Variants in MYO16 observed in about 807,000 individuals in gnomAD.
The protein encoded by MYO16 is myosin XVI.
A neutral mutation model predicts 205.3 loss-of-function variants in MYO16; 94 were observed. That is an observed-to-expected ratio of 0.46 (90% confidence interval 0.39 to 0.54). MYO16 has a LOEUF of 0.54. Ranked by LOEUF, MYO16 falls within the 20% of genes least tolerant of loss-of-function variation. The pLI, the probability that MYO16 is intolerant of heterozygous loss-of-function variation, is 0.00. For synonymous variants in MYO16, 988 were observed against 954.0 expected (o/e 1.04, Z -0.66); for missense variants, 2,315 against 2,387.5 (o/e 0.97, Z 0.63).
At chr13:108,796,121 G>T (rs1277630586) in intron 6 of MYO16, among the ~76,000 whole-genome samples, 1 of 152,140 alleles carries the variant, frequency 6.6e-6, no homozygotes, top group Non-Finnish European at 1.5e-5. Flanking sequence ...AGCTTTTATG[G>T]GCCTATATGA....
intron 12 of MYO16, among the ~76,000 whole-genome samples, chr13:108,869,623 C>T (rs1241461941): frequency 6.9e-6 from 1 of 145,810 alleles, no homozygotes; most frequent in Non-Finnish European, 1.5e-5. Flanking sequence ...CCCAGCTACT[C>T]GGGAGGCTGA....
At chr13:108,608,881 G>C (rs1052670898) in intron 1 of MYO16, among the ~76,000 whole-genome samples, 1 of 151,988 alleles carries the variant, frequency 6.6e-6, no homozygotes, top group African/African-American at 2.4e-5. Context: ...CGACCTCAGG[G>C]GATCCACCTG....
intron 21 of MYO16, among the ~76,000 whole-genome samples, chr13:108,995,921 A>G (rs1249799351): frequency 6.6e-6 from 1 of 152,212 alleles, no homozygotes; most frequent in African/African-American, 2.4e-5. Context: ...ATCATTAAAA[A>G]TCAGGAAGCA....
chr13:109,174,748 C>CTTTTTTTTTTTTTTTT (rs34606084), intron 33 of MYO16, among the ~76,000 whole-genome samples: 1 of 85,630 alleles, frequency 1.2e-5, no homozygotes, highest in African/African-American at 4.0e-5. Context: ...CTTGTCTTGT[C>CTTTTTTTTTTTTTTTT]TTTTTTTTTT....
chr13:108,676,045 T>G (rs1882190075), intron 2 of MYO16, among the ~76,000 whole-genome samples: 1 of 152,342 alleles, frequency 6.6e-6, no homozygotes, highest in South Asian at 2.1e-4. Context: ...CTATTATGAT[T>G]TGAATTAAGA....
chr13:108,799,439 A>T (rs1242236713), intron 6 of MYO16, among the ~76,000 whole-genome samples: 3 of 152,226 alleles, frequency 2.0e-5, no homozygotes. Flanking sequence ...CCACTAAGCA[A>T]CAGATCTAGT....
At chr13:108,672,183 G>A (rs186057252) in intron 2 of MYO16, among the ~76,000 whole-genome samples, 27 of 152,128 alleles carry the variant, frequency 1.8e-4, no homozygotes, top group Middle Eastern at 3.4e-3. Context: ...ACAGTATAAC[G>A]TCTCTAGCAT....
the MYO16 span, among the ~76,000 whole-genome samples, chr13:108,553,050 G>T: frequency 0.43 from 50,985 of 119,598 alleles, 11,029 homozygotes; most frequent in East Asian, 0.6. Flanking sequence ...ACAGAGTCTT[G>T]CTCTGTCACC....
chr13:109,185,012 T>C (rs1394068739), intron 34 of MYO16, among the ~76,000 whole-genome samples: 1 of 152,142 alleles, frequency 6.6e-6, no homozygotes, highest in African/African-American at 2.4e-5. Flanking sequence ...TGACCTCAAA[T>C]GATTTGCCCC....
At chr13:108,977,665 A>C (rs1268233264) in intron 20 of MYO16, among the ~76,000 whole-genome samples, 1 of 152,168 alleles carries the variant, frequency 6.6e-6, no homozygotes, top group African/African-American at 2.4e-5. Context: ...TTTAATTTTT[A>C]GTTGAATATT....
the MYO16 span, among the ~76,000 whole-genome samples, chr13:108,520,621 G>A: frequency 3.5e-5 from 5 of 144,606 alleles, no homozygotes; most frequent in Non-Finnish European, 7.5e-5. Context: ...TTGACAATCC[G>A]ATACATTTTT....
At chr13:108,505,302 A>G in the MYO16 span, among the ~76,000 whole-genome samples, 1 of 152,194 alleles carries the variant, frequency 6.6e-6, no homozygotes, top group Non-Finnish European at 1.5e-5. Flanking sequence ...AAGTTTCTCC[A>G]TATCCTCACC....
intron 1 of MYO16, among the ~76,000 whole-genome samples, chr13:108,604,186 C>G (rs1471977578): frequency 6.6e-6 from 1 of 152,112 alleles, no homozygotes; most frequent in Non-Finnish European, 1.5e-5. Flanking sequence ...TGAGGTCCCT[C>G]CCCCAAGAGT....
the MYO16 span, among the ~76,000 whole-genome samples, chr13:108,540,322 A>T: frequency 6.6e-6 from 1 of 152,154 alleles, no homozygotes; most frequent in Non-Finnish European, 1.5e-5. Flanking sequence ...TTTGTCACAA[A>T]GGTTGTATTT....
intron 2 of MYO16, among the ~76,000 whole-genome samples, chr13:108,684,017 A>C (rs1882571518): frequency 6.6e-6 from 1 of 152,212 alleles, no homozygotes. Context: ...CTGGGATTAC[A>C]GACATGTGCC....
intron 4 of MYO16, among the ~76,000 whole-genome samples, chr13:108,735,546 T>G (rs1884667935): frequency 6.6e-6 from 1 of 152,142 alleles, no homozygotes; most frequent in Admixed American, 6.5e-5. Flanking sequence ...CTATCATTGA[T>G]GGACATTTGG....
intron 28 of MYO16, chr13:109,101,230 G>T: frequency 5.0e-6 from 1 of 199,168 alleles, no homozygotes. Flanking sequence ...CAAAATTGAA[G>T]AACTAAGGTT....
At chr13:109,024,990 C>G (rs1886317053) in intron 23 of MYO16, among the ~76,000 whole-genome samples, 2 of 152,148 alleles carry the variant, frequency 1.3e-5, no homozygotes, top group African/African-American at 4.8e-5. Context: ...CATGCAAGGT[C>G]TAGTTTGGAC....
intron 2 of MYO16, among the ~76,000 whole-genome samples, chr13:108,688,181 C>T (rs34358114): frequency 0.017 from 2,524 of 151,956 alleles, 28 homozygotes; most frequent in Admixed American, 0.027. Flanking sequence ...ATTACAAGGG[C>T]CTTAATTACA....
Sources: allele counts gnomAD v4.1 joint callset (sites outside exome capture counted in the v4.1 genomes callset), GRCh38; gene constraint gnomAD v4.1.1; transcripts MANE v1.5; gene names NCBI Gene and HGNC (gene_info 2026-07-23, HGNC 2026-07-21).